AGBL1: variants seen among roughly 807,000 people sequenced by gnomAD.
The protein encoded by AGBL1 is cytosolic carboxypeptidase 4.
AGBL1 carries 130 observed loss-of-function variants against 118.9 expected under a neutral mutation model. That is an observed-to-expected ratio of 1.09 (90% CI 0.95 to 1.26). AGBL1 has a LOEUF of 1.26. Among genes scored for constraint, AGBL1 ranks in the 50% most tolerant of loss-of-function variants. The pLI is 0.00. For synonymous variants in AGBL1, 555 were observed against 478.9 expected (o/e 1.16, Z -2.08); for missense variants, 1,584 against 1,298.1 (o/e 1.22, Z -3.38).
chr15:86,673,201 GA>G (rs1216175430), intron 21 of AGBL1, among the ~76,000 whole-genome samples: 18 of 152,144 alleles, frequency 1.2e-4, no homozygotes, highest in African/African-American at 3.9e-4. Context: ...AAGATAAATT[GA>G]GCTAATTTTG....
chr15:86,962,350 C>G (rs1341009173), intron 23 of AGBL1, among the ~76,000 whole-genome samples: 1 of 151,990 alleles, frequency 6.6e-6, no homozygotes, highest in Non-Finnish European at 1.5e-5. Flanking sequence ...CCAAATGATT[C>G]TCCAGGAAGG....
At chr15:86,605,396 T>C (rs1367414093) in intron 21 of AGBL1, among the ~76,000 whole-genome samples, 1 of 152,216 alleles carries the variant, frequency 6.6e-6, no homozygotes, top group Non-Finnish European at 1.5e-5. Context: ...CTCTTTCTTC[T>C]CAATCTAGTT....
intron 22 of AGBL1, among the ~76,000 whole-genome samples, chr15:86,845,994 C>T (rs1394304077): frequency 6.6e-6 from 1 of 152,176 alleles, no homozygotes; most frequent in Non-Finnish European, 1.5e-5. Context: ...CGACACATGC[C>T]TGAGACTGTC....
At chr15:86,195,692 G>A (rs1025087491) in intron 5 of AGBL1, among the ~76,000 whole-genome samples, 3 of 152,094 alleles carry the variant, frequency 2.0e-5, no homozygotes, top group Non-Finnish European at 4.4e-5. Flanking sequence ...TGTCCATATA[G>A]CATTTTTTAT....
chr15:86,154,556 C>T lies in AGBL1; in HGVS notation c.389C>T (p.Ser130Phe), dbSNP rs766419259. 6.2e-7 allele frequency: 1 copy of T among 1,606,724 alleles called. No individual in the cohort carries two copies. Among genetic ancestry groups the T allele is most frequent in the South Asian group, 1.1e-5 (1 of 90,022 alleles). Residue 130 changes from serine to phenylalanine, a missense_variant, in exon 4 of 23, where the codon TCC becomes TTC. Ser to Phe is a radical substitution (Grantham distance 155). Coordinates refer to ENST00000614907, the MANE Select transcript of AGBL1 (RefSeq NM_001386094.1). ...CTCTGGGCTCTGCGTGTGTTTGCCT[C>T]CAGTGGTAAGTGACTCTATTGTGGC... The part of the protein sequence containing the change: ...HCLWALRVFA[S>F]SVSMGAMLGI...
chr15:87,028,816 C>A, intron 24 of AGBL1: 2 of 1,605,170 alleles, frequency 1.2e-6, no homozygotes, highest in South Asian at 1.1e-5. Flanking sequence ...ATTTCTTATT[C>A]CTTCTCAGAG....
Position 86,369,818 on chromosome 15 carries a change from CAT to C in AGBL1, c.2375-27547_2375-27546del, listed in dbSNP as rs201753894. Among the ~76,000 whole-genome samples, 26 of 152,186 alleles carry C rather than the reference CAT, an allele frequency of 1.7e-4. No homozygotes were observed. The East Asian group carries it at 4.8e-3, about 28-fold the overall frequency. ...GCTACTGTATAATAAAAAATACAATCATGTGATCTATCAAGCCCCTACCAACA... is the reference window on the plus strand; with the variant it reads ...GCTACTGTATAATAAAAAATACAATCGTGATCTATCAAGCCCCTACCAACA... On this transcript the variant is annotated intron_variant, in intron 17 of 22. Transcript: ENST00000614907.
At chr15:86,265,869 A>G (rs867969819) in intron 11 of AGBL1, among the ~76,000 whole-genome samples, 1 of 152,154 alleles carries the variant, frequency 6.6e-6, no homozygotes. Flanking sequence ...TTAGTTAAAT[A>G]TCCCAGATTT....
chr15:86,846,130 A>G (rs568495600), intron 22 of AGBL1, among the ~76,000 whole-genome samples: 14 of 152,114 alleles, frequency 9.2e-5, no homozygotes, highest in African/African-American at 3.4e-4. Flanking sequence ...CTTCATGTGG[A>G]TTTTTACCAT....
intron 1 of AGBL1, among the ~76,000 whole-genome samples, chr15:86,108,707 C>G (rs1057288269): frequency 1.8e-4 from 27 of 152,138 alleles, no homozygotes; most frequent in African/African-American, 6.5e-4. Flanking sequence ...GCCTATAATC[C>G]CAGCACTTTG....
At chr15:86,738,378 T>C (rs997004420) in intron 22 of AGBL1, among the ~76,000 whole-genome samples, 1 of 151,474 alleles carries the variant, frequency 6.6e-6, no homozygotes, top group Non-Finnish European at 1.5e-5. Context: ...ATGCCAGCCA[T>C]AGCAATCAGG....
At chr15:86,961,668 C>T (rs1170182688) in intron 23 of AGBL1, among the ~76,000 whole-genome samples, 1 of 152,024 alleles carries the variant, frequency 6.6e-6, no homozygotes, top group Non-Finnish European at 1.5e-5. Context: ...CTCAGGACCT[C>T]GATCCTCTGT....
chr15:86,318,371 T>C (rs536619609), intron 17 of AGBL1, among the ~76,000 whole-genome samples: 1 of 152,322 alleles, frequency 6.6e-6, no homozygotes, highest in East Asian at 1.9e-4. Flanking sequence ...TTCTTTTCTG[T>C]CTGTTTTTTG....
At chr15:86,772,121 C>G in intron 22 of AGBL1, among the ~76,000 whole-genome samples, 1 of 151,978 alleles carries the variant, frequency 6.6e-6, no homozygotes, top group South Asian at 2.1e-4. Context: ...TCAGTCTGCC[C>G]AGCATCTCCT....
intron 21 of AGBL1, among the ~76,000 whole-genome samples, chr15:86,607,540 C>T (rs1345388168): frequency 2.6e-5 from 4 of 152,148 alleles, no homozygotes; most frequent in African/African-American, 4.8e-5. Context: ...TTCCCAGCAG[C>T]AATGAGTGAG....
intron 22 of AGBL1, among the ~76,000 whole-genome samples, chr15:86,749,905 C>G (rs557949896): frequency 1.1e-4 from 16 of 152,060 alleles, no homozygotes; most frequent in Admixed American, 4.6e-4. Context: ...TGCTGGATTC[C>G]GTTTGCCAGT....
At chr15:86,847,067 A>G (rs2079329834) in intron 22 of AGBL1, among the ~76,000 whole-genome samples, 1 of 152,156 alleles carries the variant, frequency 6.6e-6, no homozygotes, top group Non-Finnish European at 1.5e-5. Flanking sequence ...TCCTTTAATA[A>G]CATTTTATTT....
intron 19 of AGBL1, among the ~76,000 whole-genome samples, chr15:86,523,336 C>T (rs1258029947): frequency 6.6e-6 from 1 of 152,170 alleles, no homozygotes; most frequent in African/African-American, 2.4e-5. Flanking sequence ...GCCATCTTCC[C>T]TCTGTGTCCA....
intron 18 of AGBL1, among the ~76,000 whole-genome samples, chr15:86,516,963 C>A (rs2083129614): frequency 6.6e-6 from 1 of 152,118 alleles, no homozygotes; most frequent in African/African-American, 2.4e-5. Context: ...TGAATTGCCC[C>A]ATTGAATAGC....
Sources: gnomAD v4.1 joint callset for allele counts (sites outside exome capture counted in the v4.1 genomes callset) on GRCh38, gnomAD v4.1.1 for gene constraint, MANE v1.5 for transcripts, NCBI Gene and HGNC (gene_info 2026-07-23, HGNC 2026-07-21) for gene names.